The following HEPHL1 variants were observed in gnomAD, a reference collection of about 807,000 sequenced individuals.
HEPHL1 encodes the protein ferroxidase HEPHL1.
HEPHL1 carries 123 observed loss-of-function variants against 122.0 expected under a neutral mutation model. The observed-to-expected ratio is 1.01, with a 90% CI of 0.87 to 1.17. HEPHL1 has a LOEUF of 1.17. Ranked by LOEUF, HEPHL1 falls within the 50% of genes most tolerant of loss-of-function variation. The pLI is 0.00. For synonymous variants in HEPHL1, 527 were observed against 508.9 expected (o/e 1.04, Z -0.48); for missense variants, 1,452 against 1,430.5 (o/e 1.01, Z -0.24).
In HEPHL1 at chr11:94,067,871, G is replaced by T. The variant is rs563978661; in HGVS notation, c.1063+121G>T. 1.7e-5 allele frequency: 13 copies of T among 772,606 alleles called. No homozygotes were observed. In the South Asian group the frequency reaches 1.9e-4, roughly 11 times the overall value. 47.9% of individuals were successfully genotyped at this position (772,606 alleles called of 1,614,324 possible). On this transcript the variant is annotated intron_variant, in intron 5 of 19. Coordinates refer to ENST00000315765, the MANE Select transcript of HEPHL1 (RefSeq NM_001098672.2). ...CCTTGTATGTACTATATTTAATTAG[G>T]TAATAAATATACAGGAAAATATAAC...
In HEPHL1 at chr11:94,104,563, A is replaced by T; in HGVS notation, c.2718A>T (p.Thr906=). Residue 906 remains threonine (T), a synonymous_variant, in exon 16 of 20, where the codon ACA becomes ACT. Coordinates refer to ENST00000315765, the MANE Select transcript of HEPHL1 (RefSeq NM_001098672.2). ...GTGGTTTGATGGGTCCTCTGATTAC[A>T]TGCCGAAAAGGAGTCTTGAATGAAA... ...TYSGLMGPLI[T]CRKGVLNEKG... is the part of the protein sequence containing the mutation. 6.2e-7 allele frequency: 1 copy of T among 1,613,872 alleles called. No homozygotes were observed. Among genetic ancestry groups the T allele is most frequent in the African/African-American group, 1.3e-5 (1 of 75,046 alleles).
At chr11:94,058,227 A>C (rs546305039) in intron 2 of HEPHL1, among the ~76,000 whole-genome samples, 61 of 152,284 alleles carry the variant, frequency 4.0e-4, no homozygotes, top group Non-Finnish European at 8.4e-4. Context: ...CAGCAGTTTC[A>C]AGCATAAACA....
chr11:94,047,028 C>T (rs183586154), intron 2 of HEPHL1, among the ~76,000 whole-genome samples: 4 of 152,258 alleles, frequency 2.6e-5, no homozygotes, highest in South Asian at 2.1e-4. Flanking sequence ...CTATAAGCAG[C>T]GAGAGGAGAG....
intron 2 of HEPHL1, among the ~76,000 whole-genome samples, chr11:94,051,780 G>A (rs1441620326): frequency 2.0e-5 from 3 of 151,982 alleles, no homozygotes; most frequent in Non-Finnish European, 4.4e-5. Flanking sequence ...AGGTCTTAAA[G>A]TTTTTAATCC....
intron 13 of HEPHL1, among the ~76,000 whole-genome samples, chr11:94,097,530 G>T (rs780273602): frequency 2.8e-4 from 42 of 152,170 alleles, no homozygotes; most frequent in Non-Finnish European, 5.0e-4. Context: ...GTGTCTATCA[G>T]CTCTGCTTGG....
chr11:94,045,731 GC>G lies in HEPHL1; in HGVS notation c.230del (p.Ala77ValfsTer13). On this transcript the variant is annotated frameshift_variant, in exon 2 of 20. Transcript: ENST00000315765. LOFTEE classifies it high-confidence loss of function. ...CAGGATAGGCAGTATTTACAAAAAG[GC>G]TGTTTACAGACGCTTCACGGATGGA... Reference protein sequence around the residue: ...PNRIGSIYKKAVYRRFTDGTY... With the variant: ...PNRIGSIYKKXVYRRFTDGTY... The G allele has an allele frequency of 6.2e-7, 1 of 1,613,394 alleles. No individual in the cohort carries two copies. The highest frequency in any genetic ancestry group is 8.5e-7 in the Non-Finnish European group (1 of 1,179,610).
At chr11:94,092,434 T>C (rs2949863) in intron 12 of HEPHL1, among the ~76,000 whole-genome samples, 111,894 of 152,104 alleles carry the variant, frequency 0.74, 41,600 homozygotes, top group African/African-American at 0.85. Context: ...TTTACGTTGC[T>C]TGATGCACAC....
chr11:94,081,514 C>T (rs1378160965), intron 9 of HEPHL1, among the ~76,000 whole-genome samples: 8 of 152,144 alleles, frequency 5.3e-5, no homozygotes, highest in Non-Finnish European at 8.8e-5. Flanking sequence ...CATACTGCAG[C>T]GATCTGTGAT....
At chr11:94,102,287 C>A (rs72968759) in intron 14 of HEPHL1, among the ~76,000 whole-genome samples, 1 of 152,126 alleles carries the variant, frequency 6.6e-6, no homozygotes, top group Non-Finnish European at 1.5e-5. Context: ...CTATGATGAC[C>A]AACCCACTTT....
At chr11:94,057,594 A>G (rs1482246314) in intron 2 of HEPHL1, among the ~76,000 whole-genome samples, 1 of 152,104 alleles carries the variant, frequency 6.6e-6, no homozygotes, top group African/African-American at 2.4e-5. Flanking sequence ...TTCAATGCCA[A>G]AATTCCAATT....
intron 13 of HEPHL1, among the ~76,000 whole-genome samples, chr11:94,094,741 G>A (rs1212829699): frequency 6.6e-6 from 1 of 152,168 alleles, no homozygotes; most frequent in African/African-American, 2.4e-5. Flanking sequence ...GCATTTCTCT[G>A]ATGGCCAGTG....
rs114606018 is a variant in HEPHL1 at position 94,035,013 on chromosome 11, T to A, written c.171-10660T>A. ...GTCAAATACATCTGTTTAAGAATCT[T>A]CAGTGGCTCTTAGTTGAAGATACAA... is the stretch of plus-strand genomic sequence containing the variant. On this transcript the variant is annotated intron_variant, in intron 1 of 19. Transcript: ENST00000315765. Among the ~76,000 whole-genome samples the A allele has an allele frequency of 9.3e-3, 1,421 of 152,306 alleles. 24 individuals carry two copies. Among genetic ancestry groups the A allele is most frequent in the African/African-American group, 0.032 (1,350 of 41,560 alleles).
chr11:94,033,599 C>T (rs1171460089), intron 1 of HEPHL1, among the ~76,000 whole-genome samples: 1 of 152,142 alleles, frequency 6.6e-6, no homozygotes, highest in Non-Finnish European at 1.5e-5. Flanking sequence ...AGATTTGGTG[C>T]ACAAGATAAA....
At chr11:94,086,464 C>G (rs1333234073) in intron 11 of HEPHL1, among the ~76,000 whole-genome samples, 2 of 152,194 alleles carry the variant, frequency 1.3e-5, no homozygotes, top group African/African-American at 4.8e-5. Flanking sequence ...TTTTGATTCA[C>G]AGTCCATAAA....
At chr11:94,110,031 G>A (rs146287779) in intron 17 of HEPHL1, among the ~76,000 whole-genome samples, 1 of 152,188 alleles carries the variant, frequency 6.6e-6, no homozygotes, top group African/African-American at 2.4e-5. Flanking sequence ...GGTTATCAAT[G>A]TATTCTTGAG....
chr11:94,096,578 G>A (rs1181634723), intron 13 of HEPHL1, among the ~76,000 whole-genome samples: 1 of 152,310 alleles, frequency 6.6e-6, no homozygotes, highest in South Asian at 2.1e-4. Flanking sequence ...GATTGGAATA[G>A]TTTCAGAAGG....
intron 1 of HEPHL1, among the ~76,000 whole-genome samples, chr11:94,039,254 T>A (rs936606047): frequency 2.1e-5 from 3 of 145,416 alleles, no homozygotes; most frequent in Admixed American, 1.4e-4. Flanking sequence ...AGACTTAGAC[T>A]CCCACACATT....
intron 13 of HEPHL1, among the ~76,000 whole-genome samples, chr11:94,098,174 T>G (rs950525616): frequency 2.6e-5 from 4 of 152,248 alleles, no homozygotes; most frequent in African/African-American, 4.8e-5. Context: ...TTTCCATGTT[T>G]AGTGCTTCCT....
chr11:94,030,061 G>A (rs746988548), intron 1 of HEPHL1, among the ~76,000 whole-genome samples: 1 of 152,214 alleles, frequency 6.6e-6, no homozygotes, highest in Non-Finnish European at 1.5e-5. Context: ...GAACAGGGTA[G>A]AGAAGTAGAG....
Sources: gnomAD v4.1 joint callset for allele counts (sites outside exome capture counted in the v4.1 genomes callset) on GRCh38, gnomAD v4.1.1 for gene constraint, MANE v1.5 for transcripts, NCBI Gene and HGNC (gene_info 2026-07-23, HGNC 2026-07-21) for gene names.